Variants in SLC25A19 observed in about 807,000 individuals in gnomAD.
SLC25A19 encodes solute carrier family 25 member 19.
In SLC25A19, 18 loss-of-function variants were observed where a neutral mutation model predicts 27.9. The ratio of observed to expected loss-of-function variants is 0.64; its 90% confidence interval spans 0.45 to 0.96. The LOEUF (loss-of-function observed/expected upper bound fraction) is 0.96. SLC25A19 is among the 40% of genes least tolerant of loss of function. SLC25A19 has a pLI of 0.00. For synonymous variants in SLC25A19, 169 were observed against 167.1 expected (o/e 1.01, Z -0.09); for missense variants, 371 against 418.3 (o/e 0.89, Z 0.99).
intron 5 of SLC25A19, among the ~76,000 whole-genome samples, chr17:75,279,530 C>T (rs1393889310): frequency 3.3e-5 from 4 of 123,040 alleles, no homozygotes; most frequent in East Asian, 2.3e-4. Flanking sequence ...TTTTTTGAGA[C>T]GAAGTCTTGC....
chr17:75,278,050 T>G (rs1203376026), intron 6 of SLC25A19, 102 bp downstream of exon 6: 2 of 1,298,860 alleles, frequency 1.5e-6, no homozygotes, highest in Non-Finnish European at 2.2e-6. Flanking sequence ...AGACCCGCGG[T>G]CTTTGATTCG....
intron 6 of SLC25A19, 87 bp downstream of exon 6, chr17:75,278,065 G>T: frequency 6.9e-7 from 1 of 1,459,408 alleles, no homozygotes; most frequent in Non-Finnish European, 9.6e-7. Flanking sequence ...GATTCGGACA[G>T]GAGAACTTTA....
At chr17:75,274,856 A>G (rs1291588413) in intron 7 of SLC25A19, among the ~76,000 whole-genome samples, 1 of 152,092 alleles carries the variant, frequency 6.6e-6, no homozygotes, top group Non-Finnish European at 1.5e-5. Flanking sequence ...CAAACCTTGT[A>G]TACAGTGTAT....
At chr17:75,274,435 C>T (rs139292221) in intron 7 of SLC25A19, among the ~76,000 whole-genome samples, 144 of 152,324 alleles carry the variant, frequency 9.5e-4, no homozygotes, top group African/African-American at 3.2e-3. Context: ...CTCCTAGTGA[C>T]GACATCATGA....
chr17:75,278,476 C>T (rs1045145986), intron 5 of SLC25A19, 141 bp from the exon 6 acceptor site: 63 of 900,538 alleles, frequency 7.0e-5, no homozygotes, highest in Admixed American at 3.1e-4. Context: ...TCAAGGGAAA[C>T]GCTGGACAGA....
chr17:75,289,355 C>G lies in SLC25A19; in HGVS notation c.-130G>C, dbSNP rs1029037546. ...AGGACGGAGGTAGAGGTTACTCACA[C>G]GGCTCGGCGGGTGCGGCCCGGCTCA... On this transcript the variant is annotated splice_region_variant and 5_prime_UTR_variant, in exon 1 of 8. Transcript: ENST00000416858. 2.0e-5 allele frequency: 3 copies of G among 152,260 alleles called. No homozygotes were observed. The highest frequency in any genetic ancestry group is 4.8e-5 in the African/African-American group (2 of 41,346). The allele number at this position is 152,260 out of a possible 1,614,324, so 9.4% of individuals were successfully genotyped here.
intron 2 of SLC25A19, among the ~76,000 whole-genome samples, chr17:75,287,969 C>T (rs980052057): frequency 6.6e-6 from 1 of 152,002 alleles, no homozygotes; most frequent in Non-Finnish European, 1.5e-5. Flanking sequence ...CATGGTGAAA[C>T]CCTGTCTCTA....
At chr17:75,276,434 C>T (rs373539120) in intron 7 of SLC25A19, among the ~76,000 whole-genome samples, 5 of 152,234 alleles carry the variant, frequency 3.3e-5, no homozygotes, top group Admixed American at 6.5e-5. Context: ...GTGGTGCAAT[C>T]GTGGCTCCCT....
rs1448340368 is a variant in SLC25A19 at position 75,273,189 on chromosome 17, G to C, written c.*262C>G. On this transcript the variant is annotated 3_prime_UTR_variant, in exon 8 of 8. Coordinates refer to ENST00000416858, the MANE Select transcript of SLC25A19 (RefSeq NM_001126121.2). ...TCTGTTTCCTTTGGAGTGTGGGCTGGTCAGAGGAGAAACAGCAACTTCCTG... is the reference window on the plus strand; with the variant it reads ...TCTGTTTCCTTTGGAGTGTGGGCTGCTCAGAGGAGAAACAGCAACTTCCTG... 1 of 502,892 alleles carries C rather than the reference G, an allele frequency of 2.0e-6. No homozygotes were observed. Among genetic ancestry groups the C allele is most frequent in the Non-Finnish European group, 3.6e-6 (1 of 275,558 alleles). The allele number at this position is 502,892 out of a possible 1,614,324, so 31.2% of individuals were successfully genotyped here. A position where few individuals can be genotyped will look rare whatever the true frequency, so the allele number is the denominator to read the frequency against.
chr17:75,286,630 T>C lies in SLC25A19; in HGVS notation c.132+3A>G. 1 of 1,613,682 alleles carries C rather than the reference T, an allele frequency of 6.2e-7. No homozygotes were observed. Among genetic ancestry groups the C allele is most frequent in the East Asian group, 2.2e-5 (1 of 44,854 alleles). On this transcript the variant is annotated splice_donor_region_variant and intron_variant, in intron 3 of 7. Coordinates refer to ENST00000416858, the MANE Select transcript of SLC25A19 (RefSeq NM_001126121.2). The stretch of plus-strand genomic sequence containing the variant: ...CCATTGCATGGAAAAAGGGGAAGAG[T>C]ACCTGGAAACGGATCTTGATGACGT...
chr17:75,276,209 A>G (rs921436249), intron 7 of SLC25A19, among the ~76,000 whole-genome samples: 29 of 152,236 alleles, frequency 1.9e-4, no homozygotes, highest in Non-Finnish European at 5.9e-5. Flanking sequence ...CGGGAGGCAG[A>G]GGTTGCAGTG....
In SLC25A19 at chr17:75,273,139, C is replaced by G. The variant is rs2077768985; in HGVS notation, c.*312G>C. 1 of 410,678 alleles carries G rather than the reference C, an allele frequency of 2.4e-6. No homozygotes were observed. The allele number at this position is 410,678 out of a possible 1,614,324, so 25.4% of individuals were successfully genotyped here. On this transcript the variant is annotated 3_prime_UTR_variant, in exon 8 of 8. Transcript: ENST00000416858. ...GAGTGTGTTCTGTTCTCCTGGCAGGCAGGGCTGATAGGTGTAGGATGGCGT... is the reference window on the plus strand; with the variant it reads ...GAGTGTGTTCTGTTCTCCTGGCAGGGAGGGCTGATAGGTGTAGGATGGCGT...
chr17:75,282,762 G>T (rs533756370), intron 5 of SLC25A19, among the ~76,000 whole-genome samples: 1 of 151,630 alleles, frequency 6.6e-6, no homozygotes, highest in Non-Finnish European at 1.5e-5. Context: ...TGAGGAGGGA[G>T]AATGGCGTGA....
chr17:75,284,426 G>A (rs781705199), intron 4 of SLC25A19, among the ~76,000 whole-genome samples: 9 of 152,040 alleles, frequency 5.9e-5, no homozygotes, highest in Non-Finnish European at 1.2e-4. Context: ...AAAGATACAT[G>A]AGAACAATGT....
Position 75,286,627 on chromosome 17 carries a change from G to T in SLC25A19, c.132+6C>A. Reference sequence around the variant, plus strand: ...AGTCCATTGCATGGAAAAAGGGGAAGAGTACCTGGAAACGGATCTTGATGA... The same window carrying T: ...AGTCCATTGCATGGAAAAAGGGGAATAGTACCTGGAAACGGATCTTGATGA... On this transcript the variant is annotated splice_donor_region_variant and intron_variant, in intron 3 of 7. Transcript: ENST00000416858. 1 of 1,614,164 alleles carries T rather than the reference G, an allele frequency of 6.2e-7. No homozygotes were observed.
intron 4 of SLC25A19, among the ~76,000 whole-genome samples, chr17:75,284,987 G>A (rs921226074): frequency 2.0e-5 from 3 of 152,142 alleles, no homozygotes; most frequent in Non-Finnish European, 4.4e-5. Context: ...TGCCCAGGCT[G>A]GAGTGCAGTG....
chr17:75,274,067 T>C (rs923922357), intron 7 of SLC25A19, among the ~76,000 whole-genome samples: 6 of 152,194 alleles, frequency 3.9e-5, no homozygotes, highest in Admixed American at 2.0e-4. Flanking sequence ...CAGCTCAAAA[T>C]AGCAAATAAA....
chr17:75,276,352 C>T (rs567262181), intron 7 of SLC25A19, among the ~76,000 whole-genome samples: 2 of 152,290 alleles, frequency 1.3e-5, no homozygotes, highest in Non-Finnish European at 1.5e-5. Context: ...AGAACAGCTA[C>T]AGCAAAACCC....
At chr17:75,289,003 A>G (rs1324757889) in intron 1 of SLC25A19, 1 of 152,274 alleles carries the variant, frequency 6.6e-6, no homozygotes, top group Non-Finnish European at 1.5e-5. Flanking sequence ...AGGAGACCGG[A>G]GCATACCAGG....
Sources: gnomAD v4.1 joint callset for allele counts (sites outside exome capture counted in the v4.1 genomes callset) on GRCh38, gnomAD v4.1.1 for gene constraint, MANE v1.5 for transcripts, NCBI Gene and HGNC (gene_info 2026-07-23, HGNC 2026-07-21) for gene names.